Variants in TNKS observed in about 807,000 individuals in gnomAD.
TNKS encodes tankyrase, also known as poly [ADP-ribose] polymerase tankyrase-1.
A neutral mutation model predicts 135.8 loss-of-function variants in TNKS; 72 were observed. The observed-to-expected ratio is 0.53, with a 90% CI of 0.44 to 0.64. The LOEUF is 0.64. Among genes scored for constraint, TNKS ranks in the 30% least tolerant of loss-of-function variants. TNKS has a pLI of 0.00. For synonymous variants in TNKS, 849 were observed against 649.3 expected (o/e 1.31, Z -4.68); for missense variants, 1,769 against 1,674.0 (o/e 1.06, Z -0.99).
intron 15 of TNKS, 95 bp downstream of exon 15, chr8:9,733,539 C>T (rs999484858): frequency 2.0e-6 from 2 of 1,021,804 alleles, no homozygotes; most frequent in South Asian, 1.6e-5. Context: ...CTATTAAGAA[C>T]AATACTGCTG....
At chr8:9,751,962 T>C in intron 19 of TNKS, 116 bp downstream of exon 19, 2 of 870,470 alleles carry the variant, frequency 2.3e-6, no homozygotes, top group Non-Finnish European at 3.6e-6. Flanking sequence ...TCTGTAAATT[T>C]TCATACACAC....
chr8:9,567,594 T>G (rs1283653885), intron 1 of TNKS, among the ~76,000 whole-genome samples: 3 of 152,186 alleles, frequency 2.0e-5, no homozygotes, highest in African/African-American at 7.2e-5. Flanking sequence ...TTTTTTTGTA[T>G]TTTTAGTAGA....
At chr8:9,749,120 A>C (rs1563207766) in intron 18 of TNKS, among the ~76,000 whole-genome samples, 1 of 152,248 alleles carries the variant, frequency 6.6e-6, no homozygotes, top group Non-Finnish European at 1.5e-5. Context: ...TGTTGTGCAA[A>C]GCAAGTCATG....
chr8:9,720,349 A>C (rs200954153), intron 11 of TNKS, 25 bp from the exon 12 acceptor site: 17 of 1,555,838 alleles, frequency 1.1e-5, no homozygotes, highest in Non-Finnish European at 1.5e-5. Context: ...GCTCAATTCC[A>C]TGTGCCCACG....
At chr8:9,712,471 C>T (rs1355593156) in intron 11 of TNKS, among the ~76,000 whole-genome samples, 1 of 152,118 alleles carries the variant, frequency 6.6e-6, no homozygotes, top group Admixed American at 6.6e-5. Context: ...CAGAGCAAGA[C>T]TCTGTCTCTA....
Position 9,688,227 on chromosome 8 carries a change from CAGTAG to C in TNKS, c.1107+7432_1107+7436del, listed in dbSNP as rs1321760730. ...AGACTGTTCAGTTAATATCATTTGA[CAGTAG>C]AGTATTCTACAAAAAGTTATTTAAG... On this transcript the variant is annotated intron_variant, in intron 5 of 26. Transcript: ENST00000310430. Among the ~76,000 whole-genome samples, 36 of 152,148 alleles carry C rather than the reference CAGTAG, an allele frequency of 2.4e-4. 1 individual carries two copies. The highest frequency in any genetic ancestry group is 8.4e-4 in the African/African-American group (35 of 41,426).
chr8:9,698,374 G>GAAAAAAAAAAAAAAAAAAAAAAA lies in TNKS; in HGVS notation c.1108-6272_1108-6271insAAAAAAAAAAAAAAAAAAAAAAA, dbSNP rs34311181. On this transcript the variant is annotated intron_variant, in intron 5 of 26. Coordinates refer to ENST00000310430, the MANE Select transcript of TNKS (RefSeq NM_003747.3). ...GTATCTAAAAGTTAAATTTTAAAAT[G>GAAAAAAAAAAAAAAAAAAAAAAA]AAAAAAAAAAAAAAAAAGCTTAAGT... is the stretch of plus-strand genomic sequence containing the variant. Among the ~76,000 whole-genome samples the GAAAAAAAAAAAAAAAAAAAAAAA allele has an allele frequency of 1.4e-3, 134 of 98,736 alleles. 4 individuals are homozygous for GAAAAAAAAAAAAAAAAAAAAAAA. The highest frequency in any genetic ancestry group is 2.1e-3 in the Admixed American group (15 of 7,006). The allele number at this position is 98,736 out of a possible 152,430, so 64.8% of individuals were successfully genotyped here.
intron 5 of TNKS, among the ~76,000 whole-genome samples, chr8:9,703,862 T>C (rs1257860489): frequency 6.6e-6 from 1 of 152,204 alleles, no homozygotes; most frequent in Non-Finnish European, 1.5e-5. Context: ...GCAGAGAAGT[T>C]TTTAATTAAA....
intron 1 of TNKS, among the ~76,000 whole-genome samples, chr8:9,571,231 G>A (rs765188991): frequency 1.3e-5 from 2 of 151,838 alleles, no homozygotes; most frequent in Non-Finnish European, 2.9e-5. Flanking sequence ...TTCCTTTTTG[G>A]CTGCCAAGAT....
rs1804874807 is a variant in TNKS at position 9,721,363 on chromosome 8, G to T, written c.1921+818G>T. Reference sequence around the variant, plus strand: ...TCATTGTCTGCCTGGTATAGTGTTAGATATTTTAAATATAAATTGATAAGA... The same window carrying T: ...TCATTGTCTGCCTGGTATAGTGTTATATATTTTAAATATAAATTGATAAGA... On this transcript the variant is annotated intron_variant, in intron 12 of 26. Transcript: ENST00000310430. Among the ~76,000 whole-genome samples the T allele has an allele frequency of 2.0e-5, 3 of 147,930 alleles. No homozygotes were observed. In the Admixed American group the frequency reaches 2.1e-4, roughly 10 times the overall value.
chr8:9,712,542 A>G (rs992122574), intron 11 of TNKS, among the ~76,000 whole-genome samples: 1 of 152,166 alleles, frequency 6.6e-6, no homozygotes, highest in African/African-American at 2.4e-5. Context: ...AATTTTTATA[A>G]GTTTTTTTAA....
chr8:9,682,099 A>C (rs1802806659), intron 5 of TNKS, among the ~76,000 whole-genome samples: 1 of 151,908 alleles, frequency 6.6e-6, no homozygotes, highest in Non-Finnish European at 1.5e-5. Context: ...GGAATTTCAC[A>C]CTCTTGTGTG....
chr8:9,561,554 G>C (rs1021104589), intron 1 of TNKS, among the ~76,000 whole-genome samples: 2 of 152,178 alleles, frequency 1.3e-5, no homozygotes, highest in African/African-American at 4.8e-5. Context: ...TTTTACTGCT[G>C]AGTAGATTTC....
chr8:9,699,970 G>T (rs1803718229), intron 5 of TNKS, among the ~76,000 whole-genome samples: 1 of 152,116 alleles, frequency 6.6e-6, no homozygotes, highest in African/African-American at 2.4e-5. Flanking sequence ...ATATTAACAT[G>T]GATTCTTCAC....
In TNKS at chr8:9,706,980, T is replaced by G; in HGVS notation, c.1439T>G (p.Leu480Arg). ...SAVDMAPTPE[L>R]RERLTYEFKG... ...GTGGATATGGCTCCAACTCCGGAGC[T>G]TAGGGAGAGATTGACTTGTACGTAT... is the stretch of plus-strand genomic sequence containing the variant. Residue 480 changes from leucine to arginine, a missense_variant, in exon 8 of 27, where the codon CTT (leucine) becomes CGT (arginine). Transcript: ENST00000310430. 6.3e-7 allele frequency: 1 copy of G among 1,598,184 alleles called. No individual in the cohort carries two copies. The highest frequency in any genetic ancestry group is 1.1e-5 in the South Asian group (1 of 88,504).
At chr8:9,694,052 G>C (rs941466760) in intron 5 of TNKS, among the ~76,000 whole-genome samples, 3 of 152,118 alleles carry the variant, frequency 2.0e-5, no homozygotes, top group Admixed American at 6.5e-5. Context: ...AAAATACACT[G>C]TATGTCACAG....
In TNKS at chr8:9,781,630, T is replaced by C. The variant is rs1269320034; in HGVS notation, c.*4894T>C. On this transcript the variant is annotated 3_prime_UTR_variant, in exon 27 of 27. Coordinates refer to ENST00000310430, the MANE Select transcript of TNKS (RefSeq NM_003747.3). ...ATCTTTGTAGTAGTAATGTTTGTCT[T>C]TGATACCTACAAACTAAAAAGGTAC... The C allele has an allele frequency of 6.6e-6, 1 of 152,662 alleles. No individual in the cohort carries two copies. Among genetic ancestry groups the C allele is most frequent in the Non-Finnish European group, 1.5e-5 (1 of 68,052 alleles). 9.5% of individuals were successfully genotyped at this position (152,662 alleles called of 1,614,324 possible).
At chr8:9,574,440 C>T (rs774661772) in intron 1 of TNKS, among the ~76,000 whole-genome samples, 4 of 152,162 alleles carry the variant, frequency 2.6e-5, no homozygotes, top group African/African-American at 7.2e-5. Flanking sequence ...AACCCACTAT[C>T]GGTTCTTGCC....
chr8:9,710,544 A>G (rs2096986076), intron 11 of TNKS: 1 of 471,072 alleles, frequency 2.1e-6, no homozygotes, highest in East Asian at 3.1e-5. Context: ...CTTGAATAAC[A>G]GTTTATCAGA....
Sources: allele counts gnomAD v4.1 joint callset (sites outside exome capture counted in the v4.1 genomes callset), GRCh38; gene constraint gnomAD v4.1.1; transcripts MANE v1.5; gene names NCBI Gene and HGNC (gene_info 2026-07-23, HGNC 2026-07-21).